Variants in TTN observed in about 807,000 individuals in gnomAD.
TTN encodes the protein titin, also known as connectin.
TTN carries 1,525 observed loss-of-function variants against 3,223.0 expected under a neutral mutation model. That is an observed-to-expected ratio of 0.47 (90% CI 0.45 to 0.49). TTN has a LOEUF of 0.49. Ranked by LOEUF, TTN falls within the 20% of genes least tolerant of loss-of-function variation. The pLI is 0.00. For synonymous variants in TTN, 14,094 were observed against 15,161.0 expected, an observed-to-expected ratio of 0.93 and a Z score of 5.17; for missense variants, 40,786 against 43,424.0, an observed-to-expected ratio of 0.94 and a Z score of 5.40.
Position 178,662,126 on chromosome 2 carries a change from CA to C in TTN, c.37120+15del, listed in dbSNP as rs1164882311. 2.7e-5 allele frequency: 17 copies of C among 631,786 alleles called. No homozygotes were observed. Among genetic ancestry groups the C allele is most frequent in the Non-Finnish European group, 3.6e-5 (15 of 421,054 alleles). The allele number at this position is 631,786 out of a possible 1,614,324, so 39.1% of individuals were successfully genotyped here. A position where few individuals can be genotyped will look rare whatever the true frequency, so the allele number is the denominator to read the frequency against. ...AGATATTTCTTCTGCAGAAAAAGGA[CA>C]GGGGTAAAAAATACCTGTGGCAGGT... On this transcript the variant is annotated intron_variant, in intron 178 of 362. Coordinates refer to ENST00000589042, the MANE Select transcript of TTN (RefSeq NM_001267550.2).
Position 178,776,168 on chromosome 2 carries a change from A to G in TTN, c.5696T>C (p.Ile1899Thr). The change falls in exon 28 of 363, where the codon ATC (isoleucine) becomes ACC (threonine). Residue 1899 changes from isoleucine to threonine, a missense_variant. By Grantham distance (89) the Ile-to-Thr change is moderately conservative. Transcript: ENST00000589042. ...VRYDGIHYLD[I>T]VDCKSYDTGE... ...TGTGTCATATGATTTGCAGTCCACG[A>G]TGTCCAGGTAATGGATACCATCATA... 1 of 1,614,126 alleles carries G rather than the reference A, an allele frequency of 6.2e-7. No individual in the cohort carries two copies. The highest frequency in any genetic ancestry group is 2.2e-5 in the East Asian group (1 of 44,880).
Position 178,773,956 on chromosome 2 carries a change from C to A in TTN, c.7212G>T (p.Val2404=). The change falls in exon 31 of 363, where the codon GTG becomes GTT. Residue 2404 remains valine (V), a synonymous_variant. Coordinates refer to ENST00000589042, the MANE Select transcript of TTN (RefSeq NM_001267550.2). ...GCAGCATATGAGATTGTTTGTCTATCACAATGTGAACCCTGTCACTGGGCT... is the reference window on the plus strand; with the variant it reads ...GCAGCATATGAGATTGTTTGTCTATAACAATGTGAACCCTGTCACTGGGCT... ...EVQPSDRVHI[V]IDKQSHMLLI... 6.2e-7 allele frequency: 1 copy of A among 1,614,094 alleles called. No individual in the cohort carries two copies. Among genetic ancestry groups the A allele is most frequent in the Non-Finnish European group, 8.5e-7 (1 of 1,179,986 alleles).
chr2:178,771,310 T>G lies in TTN; in HGVS notation c.8017A>C (p.Lys2673Gln). 6.2e-7 allele frequency: 1 copy of G among 1,614,130 alleles called. No individual in the cohort carries two copies. The highest frequency in any genetic ancestry group is 8.5e-7 in the Non-Finnish European group (1 of 1,180,006). ...NNIRSESDGH[K>Q]RRLIIAATKL... ...GTGGCAGCAATGATAAGTCTCCTTT[T>G]GTGGCCATCAGACTCACTTCTGATG... The change falls in exon 34 of 363, where the codon AAA becomes CAA. Residue 2673 changes from lysine (K) to glutamine (Q), a missense_variant. Transcript: ENST00000589042.
rs1421947280 is a variant in TTN, at chr2:178,564,258, T to G, written c.81874A>C (p.Thr27292Pro). Residue 27292 changes from threonine to proline, a missense_variant, in exon 326 of 363, where the codon ACT becomes CCT. Physicochemically the swap from Thr to Pro is conservative, Grantham distance 38. Coordinates refer to ENST00000589042, the MANE Select transcript of TTN (RefSeq NM_001267550.2). The part of the protein sequence containing the change: ...KDVIVVHAGE[T>P]FVLEADIRGK... ...CGGATGTCGGCTTCAAGAACAAAAGTCTCTCCTGCATGAACAACGATGACA... is the reference window on the plus strand; with the variant it reads ...CGGATGTCGGCTTCAAGAACAAAAGGCTCTCCTGCATGAACAACGATGACA... 5 of 1,613,282 alleles carry G rather than the reference T, an allele frequency of 3.1e-6. No homozygotes were observed. The highest frequency in any genetic ancestry group is 4.2e-6 in the Non-Finnish European group (5 of 1,179,786).
intron 156 of TTN, among the ~76,000 whole-genome samples, chr2:178,670,580 T>C (rs893572723): frequency 6.6e-6 from 1 of 152,008 alleles, no homozygotes; most frequent in Admixed American, 6.6e-5. Context: ...GAAGAGTTGC[T>C]ACCTTCTCTT....
At chr2:178,797,441 T>C (rs749552928) in intron 6 of TTN, among the ~76,000 whole-genome samples, 2 of 152,152 alleles carry the variant, frequency 1.3e-5, no homozygotes, top group Non-Finnish European at 2.9e-5. Flanking sequence ...CTTTTGTCTT[T>C]TTTTGTGTTG....
In TTN at chr2:178,590,846, G is replaced by A. The variant is rs1279772354; in HGVS notation, c.60879C>T (p.Thr20293=). 6.2e-7 allele frequency: 1 copy of A among 1,606,326 alleles called. No homozygotes were observed. Among genetic ancestry groups the A allele is most frequent in the Non-Finnish European group, 8.5e-7 (1 of 1,173,692 alleles). ...GACTGCCACCATCAGATTTTGGCAG[G>A]GTCCAAGACACTGTTGCTGCATTTT... ...ITENAATVSW[T]LPKSDGGSPI... is the part of the protein sequence containing the mutation. The change falls in exon 304 of 363, where the codon ACC becomes ACT. Residue 20293 remains threonine (T), a synonymous_variant. Coordinates refer to ENST00000589042, the MANE Select transcript of TTN (RefSeq NM_001267550.2).
At chr2:178,653,147 T>C in intron 198 of TTN, 23 bp from the exon 199 acceptor site, 1 of 1,608,048 alleles carries the variant, frequency 6.2e-7, no homozygotes, top group Non-Finnish European at 8.5e-7. Context: ...TAGGTAAAAT[T>C]ACATTTAGGG....
chr2:178,733,695 T>G lies in TTN; in HGVS notation c.15694A>C (p.Ile5232Leu). 6.2e-7 allele frequency: 1 copy of G among 1,613,908 alleles called. No homozygotes were observed. The stretch of plus-strand genomic sequence containing the variant: ...CACGTGTATTTGCCTCCAAAACTAA[T>G]CTGAACATCAGGGATTATCAAGACT... ...VAVLIIPDVQ[I>L]SFGGKYTCLA... The change falls in exon 53 of 363, where the codon ATT (isoleucine) becomes CTT (leucine). Residue 5232 changes from isoleucine to leucine, a missense_variant. By Grantham distance (5) the Ile-to-Leu change is conservative. Transcript: ENST00000589042.
In TTN at chr2:178,651,690, T is replaced by C. The variant is rs753365420; in HGVS notation, c.39439A>G (p.Lys13147Glu). The C allele has an allele frequency of 1.2e-6, 2 of 1,613,362 alleles. No individual in the cohort carries two copies. Among genetic ancestry groups the C allele is most frequent in the South Asian group, 2.2e-5 (2 of 91,062 alleles). ...CCTTTCACTGGTGGTAGTTCAGGTT[T>C]TTTGGCAACGACAGCAGGTGCTTTC... ...EKKAPAVVAK[K>E]PELPPVKVPE... Residue 13147 changes from lysine to glutamate, a missense_variant, in exon 206 of 363, where the codon AAA becomes GAA. Transcript: ENST00000589042.
At position 178,612,853 on chromosome 2, in the gene TTN, A is replaced by G. The variant is rs1244057905; in HGVS notation, c.49868T>C (p.Phe16623Ser). Residue 16623 changes from phenylalanine (F) to serine (S), a missense_variant, in exon 265 of 363, where the codon TTC becomes TCC. Transcript: ENST00000589042. ...PGLMEGQEYS[F>S]RVRAVNKAGE... ...AGCCTTATTCACAGCTCTAACTCGG[A>G]ATGAGTATTCCTGTCCTTCCATGAG... 16 of 1,612,360 alleles carry G rather than the reference A, an allele frequency of 9.9e-6. No individual in the cohort carries two copies. Among genetic ancestry groups the G allele is most frequent in the Non-Finnish European group, 1.4e-5 (16 of 1,179,196 alleles).
intron 213 of TTN, among the ~76,000 whole-genome samples, 165 bp from the exon 214 acceptor site, chr2:178,647,629 T>A (rs1245046734): frequency 6.6e-6 from 1 of 152,090 alleles, no homozygotes; most frequent in Non-Finnish European, 1.5e-5. Context: ...TATATATGAA[T>A]CTTCTCAGCT....
In TTN at chr2:178,800,648, C is replaced by T. The variant is rs778271204; in HGVS notation, c.330G>A (p.Leu110=). ...TTCCTTGTCTCACGGTCATGCTCTG[C>T]AGTCGTTGAACGAAGTTGGGTGGTG... is the stretch of plus-strand genomic sequence containing the variant. ...ETAPPNFVQR[L]QSMTVRQGSQ... is the part of the protein sequence containing the mutation. Residue 110 remains leucine (L), a synonymous_variant, in exon 4 of 363, where the codon CTG becomes CTA. Coordinates refer to ENST00000589042, the MANE Select transcript of TTN (RefSeq NM_001267550.2). The T allele has an allele frequency of 5.6e-6, 9 of 1,610,466 alleles. No homozygotes were observed. Among genetic ancestry groups the T allele is most frequent in the Non-Finnish European group, 6.8e-6 (8 of 1,178,020 alleles).
intron 295 of TTN, 63 bp downstream of exon 295, chr2:178,595,444 C>G: frequency 2.0e-6 from 3 of 1,474,036 alleles, no homozygotes; most frequent in Non-Finnish European, 2.7e-6. Flanking sequence ...TATTTTTTCA[C>G]CATAGTCTTG....
chr2:178,577,276 A>T lies in TTN; in HGVS notation c.69059T>A (p.Ile23020Asn). 2 of 1,612,886 alleles carry T rather than the reference A, an allele frequency of 1.2e-6. No individual in the cohort carries two copies. The highest frequency in any genetic ancestry group is 1.7e-6 in the Non-Finnish European group (2 of 1,179,474). The change falls in exon 324 of 363, where the codon ATC becomes AAC. Residue 23020 changes from isoleucine (I) to asparagine (N), a missense_variant. Transcript: ENST00000589042. The stretch of plus-strand genomic sequence containing the variant: ...CGTGCCAAAAGGATTGGTAGCAGTG[A>T]TGGTATATTCACCCGCATCTTTTCT... The part of the protein sequence containing the change: ...ATRKDAGEYT[I>N]TATNPFGTKV...
In TTN at chr2:178,684,413, A is replaced by T; in HGVS notation, c.32639T>A (p.Val10880Glu). ...GGTAATTTGCATGTGCCTCTCAGTC[A>T]CTTAAAAGATAATTTTAGGATTAGG... is the stretch of plus-strand genomic sequence containing the variant. The part of the protein sequence containing the change: ...IKMEEPLPAK[V>E]TERHMQITQE... Residue 10880 changes from valine to glutamate, a missense_variant and splice_region_variant, in exon 132 of 363, where the codon GTG becomes GAG. Transcript: ENST00000589042. 6.2e-7 allele frequency: 1 copy of T among 1,613,346 alleles called. No homozygotes were observed. The highest frequency in any genetic ancestry group is 8.5e-7 in the Non-Finnish European group (1 of 1,179,526).
At position 178,535,811 on chromosome 2, in the gene TTN, T is replaced by C. The variant is rs759368043; in HGVS notation, c.100804A>G (p.Met33602Val). 4 of 1,606,478 alleles carry C rather than the reference T, an allele frequency of 2.5e-6. No individual in the cohort carries two copies. Among genetic ancestry groups the C allele is most frequent in the South Asian group, 1.1e-5 (1 of 90,656 alleles). ...KIHLPKTLEG[M>V]GAVHALRGEV... is the part of the protein sequence containing the mutation. ...CCTCGGAGAGCATGAACTGCTCCCATGCCTTCAAGAGTTTTAGGTAAGTGT... is the reference window on the plus strand; with the variant it reads ...CCTCGGAGAGCATGAACTGCTCCCACGCCTTCAAGAGTTTTAGGTAAGTGT... Residue 33602 changes from methionine (M) to valine (V), a missense_variant, in exon 358 of 363, where the codon ATG becomes GTG. Transcript: ENST00000589042.
In TTN at chr2:178,725,854, A is replaced by C. The variant is rs529417675; in HGVS notation, c.20468T>G (p.Val6823Gly). 19 of 1,613,350 alleles carry C rather than the reference A, an allele frequency of 1.2e-5. No homozygotes were observed. The South Asian group carries it at 1.5e-4, about 13-fold the overall frequency. ...GTATTCACCGATGTCTGAAGTGTCCACATTGAGAATGTGAATACTTGTGTG... is the reference window on the plus strand; with the variant it reads ...GTATTCACCGATGTCTGAAGTGTCCCCATTGAGAATGTGAATACTTGTGTG... The part of the protein sequence containing the change: ...NFHTSIHILN[V>G]DTSDIGEYHC... Residue 6823 changes from valine to glycine, a missense_variant, in exon 70 of 363, where the codon GTG becomes GGG. Val to Gly is a moderately radical substitution (Grantham distance 109). Coordinates refer to ENST00000589042, the MANE Select transcript of TTN (RefSeq NM_001267550.2).
intron 168 of TTN, 28 bp from the exon 169 acceptor site, chr2:178,664,126 C>G: frequency 6.4e-7 from 1 of 1,564,418 alleles, no homozygotes; most frequent in Non-Finnish European, 8.7e-7. Context: ...TTTTTACACT[C>G]AGAAAATACA....
Sources: gnomAD v4.1 joint callset for allele counts (sites outside exome capture counted in the v4.1 genomes callset) on GRCh38, gnomAD v4.1.1 for gene constraint, MANE v1.5 for transcripts, NCBI Gene and HGNC (gene_info 2026-07-23, HGNC 2026-07-21) for gene names.